ACACB: variants seen among roughly 807,000 people sequenced by gnomAD.
ACACB encodes the protein acetyl-CoA carboxylase beta.
In ACACB, 209 loss-of-function variants were observed where a neutral mutation model predicts 278.8. The observed-to-expected ratio is 0.75, with a 90% CI of 0.67 to 0.84. The LOEUF (loss-of-function observed/expected upper bound fraction) is 0.84, where lower values mean the gene tolerates loss of function less well. ACACB is among the 40% of genes least tolerant of loss of function. The pLI is 0.00. For synonymous variants in ACACB, 1,174 were observed against 1,285.6 expected (o/e 0.91, Z 1.86); for missense variants, 2,850 against 3,269.0 (o/e 0.87, Z 3.13).
chr12:109,259,472 A>G (rs961875741), intron 47 of ACACB, among the ~76,000 whole-genome samples: 2 of 151,928 alleles, frequency 1.3e-5, no homozygotes, highest in Non-Finnish European at 2.9e-5. Context: ...CTATTGTCCC[A>G]GCTATTTGGG....
chr12:109,237,426 C>T (rs1428086744), intron 34 of ACACB, 46 bp downstream of exon 34: 3 of 1,545,764 alleles, frequency 1.9e-6, no homozygotes, highest in Non-Finnish European at 2.6e-6. Flanking sequence ...ACCTGGCCCT[C>T]CCTTCCTTAC....
intron 1 of ACACB, among the ~76,000 whole-genome samples, chr12:109,121,907 T>C (rs1430925592): frequency 6.6e-6 from 1 of 152,120 alleles, no homozygotes; most frequent in East Asian, 1.9e-4. Context: ...GAGAGTCAGG[T>C]CAGCACGTGA....
At chr12:109,213,451 TA>T (rs1484271629) in intron 22 of ACACB, among the ~76,000 whole-genome samples, 2 of 152,222 alleles carry the variant, frequency 1.3e-5, no homozygotes, top group Non-Finnish European at 2.9e-5. Context: ...GAAATAGCTT[TA>T]TGTATGATAA....
rs574764525 is a variant in ACACB, at chr12:109,183,778, C to G, written c.1819-1801C>G. Among the ~76,000 whole-genome samples, 3 of 152,196 alleles carry G rather than the reference C, an allele frequency of 2.0e-5. No individual in the cohort carries two copies. The South Asian group carries it at 6.2e-4, about 32-fold the overall frequency. On this transcript the variant is annotated intron_variant, in intron 11 of 52. Coordinates refer to ENST00000338432, the MANE Select transcript of ACACB (RefSeq NM_001093.4). ...AATTTGGATGTCCTTTATTTCTTCT[C>G]TAAATTGTTTTCATTGTTTTCTTCC...
chr12:109,259,192 C>G (rs4766465), intron 47 of ACACB, 84 bp downstream of exon 47: 2 of 1,485,326 alleles, frequency 1.3e-6, no homozygotes, highest in Admixed American at 2.0e-5. Flanking sequence ...TGCTAATGTC[C>G]TAGTCTGTGC....
chr12:109,234,046 G>C lies in ACACB; in HGVS notation c.4347+1G>C. 6.2e-7 allele frequency: 1 copy of C among 1,605,236 alleles called. No individual in the cohort carries two copies. Among genetic ancestry groups the C allele is most frequent in the South Asian group, 1.1e-5 (1 of 89,930 alleles). On this transcript the variant is annotated splice_donor_variant, in intron 31 of 52. Transcript: ENST00000338432. LOFTEE classifies it high-confidence loss of function. ...TTTACGGACATTCGTACAGTCCAAG[G>C]TACTCTGGGCGTGCCTCTGGTTTTG...
intron 19 of ACACB, among the ~76,000 whole-genome samples, chr12:109,206,005 C>T (rs1047483198): frequency 6.6e-6 from 1 of 152,070 alleles, no homozygotes; most frequent in Non-Finnish European, 1.5e-5. Flanking sequence ...TTATGATTTA[C>T]AAAAATCAGA....
At position 109,253,011 on chromosome 12, in the gene ACACB, G is replaced by A. The variant is rs2047136418; in HGVS notation, c.5902-4G>A. 5.0e-6 allele frequency: 8 copies of A among 1,600,414 alleles called. No homozygotes were observed. In the East Asian group the frequency reaches 1.8e-4, roughly 36 times the overall value. ...ACATTGCTAACCATGTTGTGTCAAAGCAGGTCCTGGGAAGAGAGGTCTACA... is the reference window on the plus strand; with the variant it reads ...ACATTGCTAACCATGTTGTGTCAAAACAGGTCCTGGGAAGAGAGGTCTACA... On this transcript the variant is annotated splice_polypyrimidine_tract_variant and splice_region_variant and intron_variant, in intron 42 of 52. Coordinates refer to ENST00000338432, the MANE Select transcript of ACACB (RefSeq NM_001093.4).
At chr12:109,256,042 C>A in intron 44 of ACACB, 98 bp from the exon 45 acceptor site, 1 of 872,708 alleles carries the variant, frequency 1.1e-6, no homozygotes, top group Non-Finnish European at 1.9e-6. Context: ...GAGGTTAAAG[C>A]CAGGCTGTCC....
chr12:109,215,190 C>A (rs1267331162), intron 22 of ACACB, among the ~76,000 whole-genome samples: 1 of 151,708 alleles, frequency 6.6e-6, no homozygotes, highest in East Asian at 1.9e-4. Flanking sequence ...GGTCTCTATA[C>A]CTTGGGTAAG....
intron 45 of ACACB, among the ~76,000 whole-genome samples, chr12:109,256,560 G>A (rs533979468): frequency 6.6e-6 from 1 of 152,316 alleles, no homozygotes; most frequent in African/African-American, 2.4e-5. Flanking sequence ...TCCATCTTAG[G>A]AGAGCCATGG....
At chr12:109,226,357 A>G (rs2136544695) in intron 27 of ACACB, among the ~76,000 whole-genome samples, 1 of 152,038 alleles carries the variant, frequency 6.6e-6, no homozygotes, top group South Asian at 2.1e-4. Flanking sequence ...GGTTTGATAA[A>G]CTATAGACCA....
At chr12:109,112,774 G>T (rs1208404047), upstream of ACACB, among the ~76,000 whole-genome samples, 3 of 151,104 alleles carry the variant, frequency 2.0e-5, no homozygotes, top group Non-Finnish European at 4.4e-5. Context: ...CATGTGTCAA[G>T]TCTGCTATAT....
intron 48 of ACACB, 82 bp from the exon 49 acceptor site, chr12:109,262,275 C>G (rs554044953): frequency 1.2e-5 from 14 of 1,123,516 alleles, no homozygotes; most frequent in Non-Finnish European, 1.9e-5. Context: ...GCTCTCTTCC[C>G]TCCAGCTCCC....
chr12:109,155,805 GTGAAAATTACA>G, intron 2 of ACACB, among the ~76,000 whole-genome samples: 2 of 152,102 alleles, frequency 1.3e-5, no homozygotes, highest in South Asian at 4.2e-4. Context: ...TTTGTGACAC[GTGAAAATTACA>G]TGAAATTCAA....
At position 109,140,044 on chromosome 12, in the gene ACACB, C is replaced by A. The variant is rs781384319; in HGVS notation, c.639C>A (p.Arg213=). Residue 213 remains arginine, a synonymous_variant, in exon 2 of 53, where the codon CGC becomes CGA. Transcript: ENST00000338432. Reference sequence around the variant, plus strand: ...TGACCACAGGTGAAGCTGAGACCCGCGTCCCCACTATGAGGTAATGTGCAT... The same window carrying A: ...TGACCACAGGTGAAGCTGAGACCCGAGTCCCCACTATGAGGTAATGTGCAT... ...AYLTTGEAET[R]VPTMRPSMSG... The A allele has an allele frequency of 2.5e-6, 4 of 1,595,888 alleles. No homozygotes were observed. The South Asian group carries it at 3.3e-5, about 13-fold the overall frequency.
At chr12:109,133,845 A>G (rs1296707273) in intron 1 of ACACB, among the ~76,000 whole-genome samples, 1 of 39,082 alleles carries the variant, frequency 2.6e-5, no homozygotes, top group Non-Finnish European at 4.8e-5. Context: ...GCATATATAT[A>G]TATATATATA....
chr12:109,253,422 G>C (rs140053417), intron 43 of ACACB, among the ~76,000 whole-genome samples: 100 of 152,254 alleles, frequency 6.6e-4, no homozygotes, highest in African/African-American at 2.2e-3. Flanking sequence ...ATTGCCTCTT[G>C]ACAAGAGGCA....
intron 4 of ACACB, among the ~76,000 whole-genome samples, chr12:109,171,585 G>C (rs1384944038): frequency 6.6e-6 from 1 of 150,518 alleles, no homozygotes; most frequent in Non-Finnish European, 1.5e-5. Context: ...CCTGGCCTCA[G>C]GCCATCTGCC....
Sources: allele counts gnomAD v4.1 joint callset (sites outside exome capture counted in the v4.1 genomes callset), GRCh38; gene constraint gnomAD v4.1.1; transcripts MANE v1.5; gene names NCBI Gene and HGNC (gene_info 2026-07-23, HGNC 2026-07-21).